TRIM44: variants seen among roughly 807,000 people sequenced by gnomAD.
TRIM44 encodes tripartite motif containing 44, also known as tripartite motif-containing protein 44.
TRIM44 carries 13 observed loss-of-function variants against 37.4 expected under a neutral mutation model. The observed-to-expected ratio is 0.35, with a 90% CI of 0.23 to 0.55. The LOEUF (loss-of-function observed/expected upper bound fraction) is 0.55, where lower values mean the gene tolerates loss of function less well. Among genes scored for constraint, TRIM44 ranks in the 20% least tolerant of loss-of-function variants. TRIM44 has a pLI of 0.89. For synonymous variants in TRIM44, 175 were observed against 157.2 expected (o/e 1.11, Z -0.85); for missense variants, 426 against 437.2 (o/e 0.97, Z 0.23).
intron 2 of TRIM44, among the ~76,000 whole-genome samples, chr11:35,691,678 T>A (rs533583217): frequency 1.3e-5 from 2 of 152,204 alleles, no homozygotes; most frequent in Non-Finnish European, 2.9e-5. Flanking sequence ...AGAGTCTTGC[T>A]GTGTTGCCCA....
At chr11:35,699,937 G>A (rs908807904) in intron 2 of TRIM44, among the ~76,000 whole-genome samples, 4 of 152,046 alleles carry the variant, frequency 2.6e-5, no homozygotes, top group Non-Finnish European at 4.4e-5. Context: ...CCACTGCTCA[G>A]TGAAATAAAA....
chr11:35,740,321 T>A (rs1237594931), intron 4 of TRIM44, among the ~76,000 whole-genome samples: 1 of 151,952 alleles, frequency 6.6e-6, no homozygotes, highest in Non-Finnish European at 1.5e-5. Context: ...GGCAATAGGA[T>A]CTGTTGGCGT....
At chr11:35,701,238 T>C (rs1851783480) in intron 2 of TRIM44, among the ~76,000 whole-genome samples, 1 of 151,982 alleles carries the variant, frequency 6.6e-6, no homozygotes, top group South Asian at 2.1e-4. Flanking sequence ...ATTCCTGGGG[T>C]TCCATGAGGA....
At chr11:35,771,174 A>G (rs1852864765) in intron 4 of TRIM44, among the ~76,000 whole-genome samples, 1 of 152,182 alleles carries the variant, frequency 6.6e-6, no homozygotes, top group East Asian at 1.9e-4. Flanking sequence ...GAGTTGTTGA[A>G]TGGCTTTGAC....
intron 4 of TRIM44, among the ~76,000 whole-genome samples, chr11:35,763,543 A>T (rs1304247729): frequency 6.6e-6 from 1 of 152,168 alleles, no homozygotes; most frequent in African/African-American, 2.4e-5. Context: ...TGAGTTTTGA[A>T]CATTTATAAA....
rs1851350468 is a variant in TRIM44 at position 35,667,963 on chromosome 11, G to T, written c.669+4183G>T. On this transcript the variant is annotated intron_variant, in intron 1 of 4. Transcript: ENST00000299413. ...TATGGGATTTTGCTATCAAAGTTTG[G>T]CTTCATAGTCTGAGGCAGAGTGTAG... Among the ~76,000 whole-genome samples the T allele has an allele frequency of 1.3e-5, 2 of 152,012 alleles. 1 individual carries two copies. Among genetic ancestry groups the T allele is most frequent in the Middle Eastern group, 6.8e-3 (2 of 292 alleles).
intron 4 of TRIM44, among the ~76,000 whole-genome samples, chr11:35,771,539 C>T (rs533411546): frequency 1.4e-4 from 22 of 152,218 alleles, no homozygotes; most frequent in African/African-American, 5.1e-4. Flanking sequence ...GCCTGGCCAA[C>T]ATAGTGAAAC....
At chr11:35,672,861 C>T (rs893293911) in intron 1 of TRIM44, among the ~76,000 whole-genome samples, 4 of 152,118 alleles carry the variant, frequency 2.6e-5, no homozygotes, top group African/African-American at 9.7e-5. Flanking sequence ...GAGTTTGTAG[C>T]ACTGGCATAC....
rs1374304330 is a variant in TRIM44 at position 35,811,938 on chromosome 11, A to G, written c.*5553A>G. On this transcript the variant is annotated 3_prime_UTR_variant, in exon 5 of 5. Coordinates refer to ENST00000299413, the MANE Select transcript of TRIM44 (RefSeq NM_017583.6). ...AGCAGACTCTCTGTCTCCGAGAGCA[A>G]TCATTAGGCCCTACTTCCTCTTCCC... The G allele has an allele frequency of 6.6e-6, 1 of 152,198 alleles. No homozygotes were observed. Among genetic ancestry groups the G allele is most frequent in the African/African-American group, 2.4e-5 (1 of 41,430 alleles). 9.4% of individuals were successfully genotyped at this position (152,198 alleles called of 1,614,324 possible).
chr11:35,703,278 C>G (rs1851821288), intron 2 of TRIM44, among the ~76,000 whole-genome samples: 2 of 152,220 alleles, frequency 1.3e-5, no homozygotes, highest in Non-Finnish European at 2.9e-5. Context: ...GTGGAGCCCA[C>G]CACAGCTCAA....
At chr11:35,683,449 A>T (rs1851541519) in intron 1 of TRIM44, among the ~76,000 whole-genome samples, 3 of 152,168 alleles carry the variant, frequency 2.0e-5, no homozygotes, top group African/African-American at 4.8e-5. Flanking sequence ...GTATATTTTA[A>T]TTTATATAGT....
intron 2 of TRIM44, among the ~76,000 whole-genome samples, chr11:35,716,142 A>C (rs1336813599): frequency 1.3e-5 from 2 of 152,206 alleles, no homozygotes; most frequent in Non-Finnish European, 2.9e-5. Flanking sequence ...ACCAAGGCAG[A>C]GGGAGTGAAG....
intron 4 of TRIM44, among the ~76,000 whole-genome samples, chr11:35,751,092 C>CT (rs1852554087): frequency 1.3e-5 from 2 of 152,088 alleles, no homozygotes; most frequent in African/African-American, 4.8e-5. Context: ...AGCACATTGC[C>CT]TAGCACAGAG....
At chr11:35,803,974 A>T (rs643290) in intron 4 of TRIM44, among the ~76,000 whole-genome samples, 1 of 149,856 alleles carries the variant, frequency 6.7e-6, no homozygotes, top group Admixed American at 6.6e-5. Context: ...CTTTGAAGGT[A>T]CTGTTCTGGG....
chr11:35,738,664 A>G (rs1852355247), intron 4 of TRIM44, among the ~76,000 whole-genome samples: 2 of 152,216 alleles, frequency 1.3e-5, no homozygotes, highest in South Asian at 2.1e-4. Context: ...TTTATGATAC[A>G]TACTTTACCC....
rs1853451286 is a variant in TRIM44 at position 35,806,504 on chromosome 11, G to A, written c.*119G>A. Reference sequence around the variant, plus strand: ...AGCAACAAACGTACTTCCACCAGATGTGTCCCCAGATCCACAGCAGGCACA... The same window carrying A: ...AGCAACAAACGTACTTCCACCAGATATGTCCCCAGATCCACAGCAGGCACA... On this transcript the variant is annotated 3_prime_UTR_variant, in exon 5 of 5. Transcript: ENST00000299413. 9.1e-7 allele frequency: 1 copy of A among 1,097,204 alleles called. No homozygotes were observed. Among genetic ancestry groups the A allele is most frequent in the Non-Finnish European group, 1.4e-6 (1 of 718,274 alleles). 68.0% of individuals were successfully genotyped at this position (1,097,204 alleles called of 1,614,324 possible). A position where few individuals can be genotyped will look rare whatever the true frequency, so the allele number is the denominator to read the frequency against.
chr11:35,809,208 T>C lies in TRIM44; in HGVS notation c.*2823T>C, dbSNP rs1853497118. On this transcript the variant is annotated 3_prime_UTR_variant, in exon 5 of 5. Transcript: ENST00000299413. ...CAACTATGAGCCAGGCCCTGAGCTGTCTCTTAGATAATAAAACAGATGGGG... is the reference window on the plus strand; with the variant it reads ...CAACTATGAGCCAGGCCCTGAGCTGCCTCTTAGATAATAAAACAGATGGGG... 1 of 152,104 alleles carries C rather than the reference T, an allele frequency of 6.6e-6. No individual in the cohort carries two copies. Among genetic ancestry groups the C allele is most frequent in the Non-Finnish European group, 1.5e-5 (1 of 68,012 alleles). The allele number at this position is 152,104 out of a possible 1,614,324, so 9.4% of individuals were successfully genotyped here.
At chr11:35,758,788 G>C (rs1852683192) in intron 4 of TRIM44, among the ~76,000 whole-genome samples, 1 of 152,120 alleles carries the variant, frequency 6.6e-6, no homozygotes, top group Non-Finnish European at 1.5e-5. Flanking sequence ...TGAAATTCTG[G>C]GTTGAAAATT....
chr11:35,705,303 A>G (rs1055972082), intron 2 of TRIM44, among the ~76,000 whole-genome samples: 2 of 152,256 alleles, frequency 1.3e-5, no homozygotes, highest in Non-Finnish European at 1.5e-5. Flanking sequence ...ATTCCCACAC[A>G]ATAATAATGG....
Sources: gnomAD v4.1 joint callset for allele counts (sites outside exome capture counted in the v4.1 genomes callset) on GRCh38, gnomAD v4.1.1 for gene constraint, MANE v1.5 for transcripts, NCBI Gene and HGNC (gene_info 2026-07-23, HGNC 2026-07-21) for gene names.